CEP120: variants seen among roughly 807,000 people sequenced by gnomAD.
CEP120 encodes centrosomal protein 120.
In CEP120, 113 loss-of-function variants were observed where a neutral mutation model predicts 126.5. That is an observed-to-expected ratio of 0.89 (90% confidence interval 0.77 to 1.04). The LOEUF (loss-of-function observed/expected upper bound fraction) is 1.04, where lower values mean the gene tolerates loss of function less well. Ranked by LOEUF, CEP120 falls within the 50% of genes least tolerant of loss-of-function variation. The probability of loss-of-function intolerance (pLI) is 0.00; values close to 1 mark genes in which losing one functional copy is unlikely to be tolerated. For synonymous variants in CEP120, 400 were observed against 394.3 expected, an observed-to-expected ratio of 1.01 and a Z score of -0.17; for missense variants, 1,230 against 1,155.7, an observed-to-expected ratio of 1.06 and a Z score of -0.93.
chr5:123,419,454 G>C (rs1029141821), intron 1 of CEP120, among the ~76,000 whole-genome samples: 3 of 150,576 alleles, frequency 2.0e-5, no homozygotes, highest in Non-Finnish European at 2.9e-5. Flanking sequence ...GGCTGAGGCA[G>C]AACAGCTTGA....
At chr5:123,406,548 C>T (rs1397796110) in intron 4 of CEP120, among the ~76,000 whole-genome samples, 3 of 142,788 alleles carry the variant, frequency 2.1e-5, no homozygotes, top group Non-Finnish European at 4.5e-5. Flanking sequence ...AGAAGCCATG[C>T]AAGCAAGAAG....
At chr5:123,382,688 A>G in intron 13 of CEP120, 49 bp downstream of exon 13, 1 of 1,541,482 alleles carries the variant, frequency 6.5e-7, no homozygotes, top group Non-Finnish European at 8.8e-7. Flanking sequence ...AAGGAAAAAT[A>G]TACAGAGCAG....
At chr5:123,399,092 T>C in intron 5 of CEP120, 44 bp downstream of exon 5, 1 of 1,439,832 alleles carries the variant, frequency 6.9e-7, no homozygotes, top group Non-Finnish European at 9.3e-7. Flanking sequence ...TTTTACATAG[T>C]TTTCAAATTA....
intron 18 of CEP120, among the ~76,000 whole-genome samples, chr5:123,363,688 T>C (rs1028519810): frequency 1.3e-5 from 2 of 151,510 alleles, no homozygotes; most frequent in Non-Finnish European, 3.0e-5. Flanking sequence ...TCCATGAAAG[T>C]GGTAAGCATT....
At position 123,422,942 on chromosome 5, in the gene CEP120, C is replaced by A; in HGVS notation, c.49+8G>T. On this transcript the variant is annotated splice_region_variant and intron_variant, in intron 1 of 19. Transcript: ENST00000306467. ...AGCAGTTGCAAAAGCAAGCCTCAGG[C>A]TGCTCACCTTCTAGGATGGACACGA... 6.2e-7 allele frequency: 1 copy of A among 1,613,824 alleles called. No individual in the cohort carries two copies. The highest frequency in any genetic ancestry group is 8.5e-7 in the Non-Finnish European group (1 of 1,179,672).
chr5:123,397,324 CA>C (rs1395809700), intron 5 of CEP120, among the ~76,000 whole-genome samples: 1 of 151,532 alleles, frequency 6.6e-6, no homozygotes, highest in Non-Finnish European at 1.5e-5. Flanking sequence ...GGCTCCACCT[CA>C]AAAAAATAAA....
In CEP120 at chr5:123,423,302, C is replaced by T; in HGVS notation, c.-304G>A. ...GGACCTTTTGCCGCCTGCGTAGCCG[C>T]TTTTCAAACGCCCGGGCGGCCGCAG... On this transcript the variant is annotated 5_prime_UTR_variant, in exon 1 of 20. Transcript: ENST00000306467. 1 of 400,474 alleles carries T rather than the reference C, an allele frequency of 2.5e-6. No homozygotes were observed. Among genetic ancestry groups the T allele is most frequent in the Non-Finnish European group, 4.5e-6 (1 of 222,956 alleles). The allele number at this position is 400,474 out of a possible 1,614,324, so 24.8% of individuals were successfully genotyped here.
At chr5:123,419,365 G>A (rs1182930012) in intron 1 of CEP120, among the ~76,000 whole-genome samples, 1 of 151,990 alleles carries the variant, frequency 6.6e-6, no homozygotes, top group Non-Finnish European at 1.5e-5. Context: ...TACTTTCCTG[G>A]TGAAACCCCG....
intron 18 of CEP120, among the ~76,000 whole-genome samples, chr5:123,355,305 A>G (rs1215464320): frequency 6.6e-6 from 1 of 152,172 alleles, no homozygotes; most frequent in Non-Finnish European, 1.5e-5. Context: ...ATACCCAGTA[A>G]GGGGATGGCT....
intron 18 of CEP120, among the ~76,000 whole-genome samples, chr5:123,357,052 C>G (rs1769686112): frequency 6.6e-6 from 1 of 152,046 alleles, no homozygotes; most frequent in African/African-American, 2.4e-5. Flanking sequence ...TACTGGGTAA[C>G]AAAATTTTAG....
At chr5:123,379,392 T>C (rs1017442878) in intron 14 of CEP120, among the ~76,000 whole-genome samples, 1 of 152,106 alleles carries the variant, frequency 6.6e-6, no homozygotes, top group East Asian at 1.9e-4. Flanking sequence ...ATTATTGTTA[T>C]AGAATGAAAA....
rs150100818 is a variant in CEP120, at chr5:123,371,441, C to T, written c.2481+1209G>A. Among the ~76,000 whole-genome samples, 36 of 152,148 alleles carry T rather than the reference C, an allele frequency of 2.4e-4. 1 individual carries two copies. The highest frequency in any genetic ancestry group is 6.0e-4 in the African/African-American group (25 of 41,552). On this transcript the variant is annotated intron_variant, in intron 17 of 19. Coordinates refer to ENST00000306467, the MANE Select transcript of CEP120 (RefSeq NM_001375405.1). ...GACTTATTCACTATCAGGAGAACAGCACAAGAAAGACTTGCCCCCATGTTT... is the reference window on the plus strand; with the variant it reads ...GACTTATTCACTATCAGGAGAACAGTACAAGAAAGACTTGCCCCCATGTTT...
At chr5:123,384,879 G>T (rs1023445945) in intron 11 of CEP120, 72 bp downstream of exon 11, 5 of 1,303,602 alleles carry the variant, frequency 3.8e-6, no homozygotes, top group South Asian at 1.5e-5. Flanking sequence ...AGGGTGAAGT[G>T]GTGGCTGACT....
At chr5:123,374,480 G>GA (rs1771067082) in intron 16 of CEP120, among the ~76,000 whole-genome samples, 1 of 151,316 alleles carries the variant, frequency 6.6e-6, no homozygotes. Flanking sequence ...TTTTGAATGA[G>GA]TTTTTTTTTA....
At chr5:123,416,175 T>C (rs1774379156) in intron 2 of CEP120, 51 bp from the exon 3 acceptor site, 1 of 1,028,104 alleles carries the variant, frequency 9.7e-7, no homozygotes, top group Non-Finnish European at 1.5e-6. Context: ...ATAAACTTTC[T>C]ATTGGCCTTG....
At chr5:123,357,055 A>C (rs1291782446) in intron 18 of CEP120, among the ~76,000 whole-genome samples, 1 of 152,070 alleles carries the variant, frequency 6.6e-6, no homozygotes. Context: ...TGGGTAACAA[A>C]ATTTTAGTTC....
chr5:123,385,172 C>T, intron 10 of CEP120, 39 bp from the exon 11 acceptor site: 1 of 1,490,512 alleles, frequency 6.7e-7, no homozygotes, highest in African/African-American at 1.4e-5. Context: ...CCTATCAACT[C>T]TGACCTAAAG....
rs371593803 is a variant in CEP120, at chr5:123,383,757, T to C, written c.1764-675A>G. ...TAGTATGAGCATAATGAGCACCTCT[T>C]TGTATCATACAACTGCATGCAGCAT... On this transcript the variant is annotated intron_variant, in intron 11 of 19. Transcript: ENST00000306467. 9.0e-4 allele frequency among the ~76,000 whole-genome samples: 137 copies of C among 152,238 alleles called. No individual in the cohort carries two copies. The Middle Eastern group carries it at 0.01, about 11-fold the overall frequency.
chr5:123,389,510 T>C (rs1246172990), intron 8 of CEP120, among the ~76,000 whole-genome samples: 3 of 152,202 alleles, frequency 2.0e-5, no homozygotes, highest in African/African-American at 7.2e-5. Flanking sequence ...TGTTTTGTTT[T>C]TTGTTTTGAG....
Sources: gnomAD v4.1 joint callset for allele counts (sites outside exome capture counted in the v4.1 genomes callset) on GRCh38, gnomAD v4.1.1 for gene constraint, MANE v1.5 for transcripts, NCBI Gene and HGNC (gene_info 2026-07-23, HGNC 2026-07-21) for gene names.